Variants in ECHDC1 observed in about 807,000 individuals in gnomAD.
The protein encoded by ECHDC1 is ethylmalonyl-CoA decarboxylase.
ECHDC1 carries 29 observed loss-of-function variants against 29.7 expected under a neutral mutation model. That is an observed-to-expected ratio of 0.98 (90% confidence interval 0.73 to 1.33). ECHDC1 has a LOEUF of 1.33. ECHDC1 is among the 40% of genes most tolerant of loss of function. ECHDC1 has a pLI of 0.00. For synonymous variants in ECHDC1, 126 were observed against 123.1 expected (o/e 1.02, Z -0.15); for missense variants, 328 against 350.0 (o/e 0.94, Z 0.50).
chr6:127,289,601 T>G lies in ECHDC1; in HGVS notation c.*268A>C, dbSNP rs1043525598. 2.6e-5 allele frequency: 9 copies of G among 350,792 alleles called. No individual in the cohort carries two copies. The highest frequency in any genetic ancestry group is 4.6e-5 in the Non-Finnish European group (9 of 194,404). The allele number at this position is 350,792 out of a possible 1,614,324, so 21.7% of individuals were successfully genotyped here. On this transcript the variant is annotated 3_prime_UTR_variant, in exon 6 of 6. Coordinates refer to ENST00000454859, the MANE Select transcript of ECHDC1 (RefSeq NM_001002030.2). Reference sequence around the variant, plus strand: ...TAAACACTGCTCTTTGGTTATAAGCTAAGAATTATTATTGGAATTGACAGC... The same window carrying G: ...TAAACACTGCTCTTTGGTTATAAGCGAAGAATTATTATTGGAATTGACAGC...
intron 3 of ECHDC1, among the ~76,000 whole-genome samples, chr6:127,326,250 G>A (rs187388978): frequency 9.1e-4 from 139 of 152,282 alleles, no homozygotes; most frequent in African/African-American, 3.2e-3. Context: ...CTTGTTGTTT[G>A]AAAGTGTGTG....
At chr6:127,295,507 A>G (rs1780526406) in intron 5 of ECHDC1, among the ~76,000 whole-genome samples, 1 of 152,246 alleles carries the variant, frequency 6.6e-6, no homozygotes, top group Non-Finnish European at 1.5e-5. Flanking sequence ...ATTCATACAC[A>G]TATAAATCAA....
At chr6:127,341,822 C>T (rs1784973223) in intron 1 of ECHDC1, among the ~76,000 whole-genome samples, 1 of 152,206 alleles carries the variant, frequency 6.6e-6, no homozygotes, top group Non-Finnish European at 1.5e-5. Context: ...CAAACTCATA[C>T]TTAAAAAGAA....
intron 3 of ECHDC1, among the ~76,000 whole-genome samples, chr6:127,326,275 C>T (rs1047230369): frequency 1.3e-5 from 2 of 152,138 alleles, no homozygotes; most frequent in African/African-American, 4.8e-5. Flanking sequence ...TTCTCCCCGC[C>T]CTCTGGCTCC....
intron 1 of ECHDC1, among the ~76,000 whole-genome samples, chr6:127,340,726 GAT>G (rs1453709763): frequency 2.1e-5 from 3 of 140,362 alleles, no homozygotes; most frequent in Non-Finnish European, 4.6e-5. Flanking sequence ...TAAGGACTTA[GAT>G]AGTTGCTTTA....
chr6:127,332,029 T>A (rs903990569), intron 1 of ECHDC1, among the ~76,000 whole-genome samples: 1 of 152,172 alleles, frequency 6.6e-6, no homozygotes, highest in Non-Finnish European at 1.5e-5. Context: ...TAAGATTATA[T>A]GCAAAAAAGT....
chr6:127,298,963 C>T (rs1375370314), intron 5 of ECHDC1, among the ~76,000 whole-genome samples: 3 of 151,680 alleles, frequency 2.0e-5, no homozygotes, highest in Non-Finnish European at 2.9e-5. Context: ...GCAGCCTTGA[C>T]CTCCTGGCCT....
chr6:127,314,721 A>G (rs371154778), intron 5 of ECHDC1, 95 bp downstream of exon 5: 22 of 877,384 alleles, frequency 2.5e-5, no homozygotes, highest in East Asian at 1.1e-4. Flanking sequence ...GGTTTATCCT[A>G]TTTAAGAATA....
intron 1 of ECHDC1, chr6:127,342,413 T>C (rs939021329): frequency 1.9e-6 from 3 of 1,540,202 alleles, no homozygotes; most frequent in African/African-American, 2.8e-5. Flanking sequence ...ATGTTAATCA[T>C]TGCAGGAATC....
At chr6:127,329,134 T>C (rs1371654687) in intron 2 of ECHDC1, among the ~76,000 whole-genome samples, 1 of 152,098 alleles carries the variant, frequency 6.6e-6, no homozygotes, top group Non-Finnish European at 1.5e-5. Context: ...ACCTTTCCTA[T>C]GATGCTGAAA....
At chr6:127,325,012 C>A (rs917865350) in intron 3 of ECHDC1, among the ~76,000 whole-genome samples, 1 of 152,016 alleles carries the variant, frequency 6.6e-6, no homozygotes, top group African/African-American at 2.4e-5. Flanking sequence ...GAGTGGAGTA[C>A]GGAAAGTAAA....
intron 3 of ECHDC1, among the ~76,000 whole-genome samples, chr6:127,322,284 G>A (rs541704757): frequency 6.6e-6 from 1 of 152,318 alleles, no homozygotes; most frequent in South Asian, 2.1e-4. Flanking sequence ...TCCAGCCTGG[G>A]TGACAGAGCA....
At chr6:127,309,853 AG>A (rs1287527906) in intron 5 of ECHDC1, among the ~76,000 whole-genome samples, 1 of 152,206 alleles carries the variant, frequency 6.6e-6, no homozygotes, top group Non-Finnish European at 1.5e-5. Flanking sequence ...AAAGAGCGAA[AG>A]GAGAAGTGCT....
At chr6:127,322,383 C>G (rs1315069491) in intron 3 of ECHDC1, among the ~76,000 whole-genome samples, 1 of 152,138 alleles carries the variant, frequency 6.6e-6, no homozygotes, top group Non-Finnish European at 1.5e-5. Context: ...AAAGCAGATT[C>G]ACCATTCCAC....
intron 1 of ECHDC1, among the ~76,000 whole-genome samples, chr6:127,338,671 A>G (rs1397260328): frequency 6.6e-6 from 1 of 152,192 alleles, no homozygotes; most frequent in Non-Finnish European, 1.5e-5. Context: ...ATTATCCTAC[A>G]TATGTGTAAC....
chr6:127,294,561 A>G (rs2114553866), intron 5 of ECHDC1: 2 of 152,336 alleles, frequency 1.3e-5, no homozygotes, highest in South Asian at 4.1e-4. Context: ...CATTATATGC[A>G]AACAGACTGC....
chr6:127,326,757 A>G, intron 3 of ECHDC1: 1 of 443,968 alleles, frequency 2.3e-6, no homozygotes, highest in East Asian at 3.9e-5. Flanking sequence ...TAAACTAGAA[A>G]TAACAGTAAT....
intron 5 of ECHDC1, among the ~76,000 whole-genome samples, chr6:127,296,436 G>A (rs1057272070): frequency 8.6e-5 from 13 of 151,924 alleles, no homozygotes; most frequent in East Asian, 1.9e-4. Context: ...CTTGTGATCC[G>A]CCTGCCTCGG....
At chr6:127,342,194 CTT>C (rs1243237166) in intron 1 of ECHDC1, among the ~76,000 whole-genome samples, 1 of 152,248 alleles carries the variant, frequency 6.6e-6, no homozygotes, top group African/African-American at 2.4e-5. Context: ...CTCACTCACT[CTT>C]TGCTGTAATT....
Sources: gnomAD v4.1 joint callset for allele counts (sites outside exome capture counted in the v4.1 genomes callset) on GRCh38, gnomAD v4.1.1 for gene constraint, MANE v1.5 for transcripts, NCBI Gene and HGNC (gene_info 2026-07-23, HGNC 2026-07-21) for gene names.